AMPH: variants seen among roughly 807,000 people sequenced by gnomAD.
AMPH encodes amphiphysin, also known as amphiphysin (Stiff-Mann syndrome with breast cancer 128kD autoantigen).
A neutral mutation model predicts 99.1 loss-of-function variants in AMPH; 49 were observed. That is an observed-to-expected ratio of 0.49 (90% CI 0.39 to 0.63). The LOEUF (loss-of-function observed/expected upper bound fraction) is 0.63, where lower values mean the gene tolerates loss of function less well. AMPH is among the 20% of genes least tolerant of loss of function. The pLI is 0.00. For synonymous variants in AMPH, 314 were observed against 317.3 expected, an observed-to-expected ratio of 0.99 and a Z score of 0.11; for missense variants, 759 against 863.4, an observed-to-expected ratio of 0.88 and a Z score of 1.52.
chr7:38,561,390 A>G (rs1251462083), intron 1 of AMPH, among the ~76,000 whole-genome samples: 2 of 152,242 alleles, frequency 1.3e-5, no homozygotes, highest in African/African-American at 4.8e-5. Context: ...GCCCAGAGGT[A>G]CCAGCACAAT....
At chr7:38,607,755 A>G (rs545730136) in intron 1 of AMPH, among the ~76,000 whole-genome samples, 63 of 152,352 alleles carry the variant, frequency 4.1e-4, no homozygotes, top group African/African-American at 1.5e-3. Flanking sequence ...CAATGTTCTC[A>G]GTTTATTTGA....
chr7:38,543,152 G>A (rs549871902), intron 1 of AMPH, among the ~76,000 whole-genome samples: 1 of 152,224 alleles, frequency 6.6e-6, no homozygotes, highest in African/African-American at 2.4e-5. Flanking sequence ...AGCTACTTGG[G>A]AGGCTGAGGC....
chr7:38,577,845 CG>C, intron 1 of AMPH, among the ~76,000 whole-genome samples: 1 of 151,386 alleles, frequency 6.6e-6, no homozygotes, highest in Non-Finnish European at 1.5e-5. Context: ...GGAGGGAAGA[CG>C]GAACATAAAA....
intron 1 of AMPH, among the ~76,000 whole-genome samples, chr7:38,540,007 T>C (rs540644183): frequency 1.3e-5 from 2 of 152,346 alleles, no homozygotes; most frequent in African/African-American, 4.8e-5. Flanking sequence ...ACCTCTTTCA[T>C]TAACCACTCC....
chr7:38,624,764 T>C (rs1794187774), intron 1 of AMPH, among the ~76,000 whole-genome samples: 1 of 152,136 alleles, frequency 6.6e-6, no homozygotes, highest in Non-Finnish European at 1.5e-5. Context: ...GCTGACTGCA[T>C]GTGCTTATTT....
chr7:38,500,746 G>A (rs1037748466), intron 3 of AMPH, among the ~76,000 whole-genome samples: 13 of 152,122 alleles, frequency 8.5e-5, no homozygotes, highest in Admixed American at 3.9e-4. Flanking sequence ...ACCTAGAGTG[G>A]CTTCTATTTT....
At chr7:38,438,972 T>C (rs1786397341) in intron 11 of AMPH, among the ~76,000 whole-genome samples, 1 of 152,232 alleles carries the variant, frequency 6.6e-6, no homozygotes, top group South Asian at 2.1e-4. Flanking sequence ...GTAATCCCCA[T>C]GTTTGGTCAA....
intron 1 of AMPH, among the ~76,000 whole-genome samples, chr7:38,603,229 T>C (rs1467569080): frequency 7.0e-6 from 1 of 143,410 alleles, no homozygotes; most frequent in East Asian, 2.1e-4. Context: ...GACAGAGGAA[T>C]CCCCTGAACC....
chr7:38,630,441 G>GA (rs922935890), intron 1 of AMPH, among the ~76,000 whole-genome samples: 22 of 151,976 alleles, frequency 1.4e-4, no homozygotes, highest in Admixed American at 5.9e-4. Context: ...CGTCTCTGGG[G>GA]AAAAAAAATA....
At chr7:38,423,460 A>G (rs968159952) in intron 15 of AMPH, among the ~76,000 whole-genome samples, 6 of 152,234 alleles carry the variant, frequency 3.9e-5, no homozygotes, top group Admixed American at 6.5e-5. Flanking sequence ...AAGATGAGCC[A>G]GTGCCTTTTG....
At chr7:38,427,042 AC>A in intron 14 of AMPH, 56 bp from the exon 15 acceptor site, 3 of 1,469,268 alleles carry the variant, frequency 2.0e-6, no homozygotes, top group Non-Finnish European at 2.9e-6. Context: ...ATTTTGTAGG[AC>A]CAGTAAATAT....
chr7:38,535,150 C>T, intron 1 of AMPH, 139 bp from the exon 2 acceptor site: 4 of 691,002 alleles, frequency 5.8e-6, no homozygotes, highest in Non-Finnish European at 9.6e-6. Context: ...TTTTTCTGTT[C>T]TGGAAGCATC....
Position 38,520,044 on chromosome 7 carries a change from A to G in AMPH, c.150+14887T>C, listed in dbSNP as rs183362780. ...AAAAAAATAAAAAATCATCTTGGCT[A>G]TTATAACTCCTTTGCCTTTCTCTCT... On this transcript the variant is annotated intron_variant, in intron 2 of 20. Transcript: ENST00000356264. 3.3e-5 allele frequency among the ~76,000 whole-genome samples: 5 copies of G among 152,276 alleles called. No individual in the cohort carries two copies. The East Asian group carries it at 9.6e-4, about 29-fold the overall frequency.
At chr7:38,458,959 C>A (rs187118106) in intron 11 of AMPH, among the ~76,000 whole-genome samples, 1 of 151,910 alleles carries the variant, frequency 6.6e-6, no homozygotes, top group Non-Finnish European at 1.5e-5. Flanking sequence ...GACCTTATAG[C>A]TAGAAAAAAT....
chr7:38,585,908 C>T (rs1011066906), intron 1 of AMPH, among the ~76,000 whole-genome samples: 1 of 152,180 alleles, frequency 6.6e-6, no homozygotes, highest in Non-Finnish European at 1.5e-5. Flanking sequence ...ATCCTTAAAC[C>T]AGGGGATAGT....
At chr7:38,547,090 C>T (rs893414) in intron 1 of AMPH, among the ~76,000 whole-genome samples, 134,281 of 152,108 alleles carry the variant, frequency 0.88, 59,578 homozygotes, top group South Asian at 0.95. Flanking sequence ...CATCTCATCC[C>T]CTTGCCTTTC....
chr7:38,438,220 GACA>G (rs1163843698), intron 11 of AMPH, among the ~76,000 whole-genome samples: 1 of 152,148 alleles, frequency 6.6e-6, no homozygotes, highest in East Asian at 1.9e-4. Context: ...ATCTAATGTT[GACA>G]ACACTTTATT....
At chr7:38,450,884 A>T (rs993741705) in intron 11 of AMPH, among the ~76,000 whole-genome samples, 74 of 149,928 alleles carry the variant, frequency 4.9e-4, no homozygotes, top group African/African-American at 1.7e-3. Context: ...AGCCAATCCA[A>T]AACACTTTCT....
chr7:38,521,112 A>G (rs1397082102), intron 2 of AMPH, among the ~76,000 whole-genome samples: 1 of 83,376 alleles, frequency 1.2e-5, no homozygotes, highest in South Asian at 3.8e-4. Flanking sequence ...TTTGTGTCCT[A>G]TAGAGTGGGC....
Sources: gnomAD v4.1 joint callset for allele counts (sites outside exome capture counted in the v4.1 genomes callset) on GRCh38, gnomAD v4.1.1 for gene constraint, MANE v1.5 for transcripts, NCBI Gene and HGNC (gene_info 2026-07-23, HGNC 2026-07-21) for gene names.